Variants in ROBO2 observed in about 807,000 individuals in gnomAD.
ROBO2 encodes the protein roundabout guidance receptor 2, also known as roundabout homolog 2.
ROBO2 carries 53 observed loss-of-function variants against 160.8 expected under a neutral mutation model. The ratio of observed to expected loss-of-function variants is 0.33; its 90% CI spans 0.26 to 0.41. The LOEUF is 0.41. Ranked by LOEUF, ROBO2 falls within the 10% of genes least tolerant of loss-of-function variation. ROBO2 has a pLI of 1.00. For missense variants in ROBO2, 1,577 were observed against 1,722.4 expected, an observed-to-expected ratio of 0.92 and a Z score of 1.49; for synonymous variants, 664 against 611.7, an observed-to-expected ratio of 1.09 and a Z score of -1.26.
At chr3:77,395,425 G>T (rs1305947404) in intron 2 of ROBO2, among the ~76,000 whole-genome samples, 1 of 152,108 alleles carries the variant, frequency 6.6e-6, no homozygotes, top group Admixed American at 6.6e-5. Flanking sequence ...TATGCTTTAG[G>T]AGAGCAGTGA....
intron 2 of ROBO2, among the ~76,000 whole-genome samples, chr3:77,396,529 A>G (rs1205917416): frequency 1.3e-5 from 2 of 152,176 alleles, no homozygotes; most frequent in Non-Finnish European, 1.5e-5. Context: ...ATGCAGAATC[A>G]TTAAATTTTA....
At chr3:75,959,549 G>T (rs1329697213) in intron 2 of ROBO2, among the ~76,000 whole-genome samples, 3 of 151,646 alleles carry the variant, frequency 2.0e-5, no homozygotes, top group African/African-American at 4.8e-5. Context: ...ATTTTTGTTT[G>T]TAGACCACAG....
chr3:76,184,546 TAG>T (rs1701652491), intron 2 of ROBO2, among the ~76,000 whole-genome samples: 1 of 16,408 alleles, frequency 6.1e-5, no homozygotes, highest in African/African-American at 1.3e-4. Flanking sequence ...AAATAGGAGA[TAG>T]ATAGATAGAT....
rs546220105 is a variant in ROBO2 at position 77,008,005 on chromosome 3, A to G, written c.110-90009A>G. On this transcript the variant is annotated intron_variant, in intron 2 of 26. Coordinates refer to the ROBO2 transcript ENST00000487694. Reference sequence around the variant, plus strand: ...ATCAGAATATATAGTTATTGTGAAAATTACATATTTTTAAATTTTTAATGT... The same window carrying G: ...ATCAGAATATATAGTTATTGTGAAAGTTACATATTTTTAAATTTTTAATGT... Among the ~76,000 whole-genome samples, 5 of 152,124 alleles carry G rather than the reference A, an allele frequency of 3.3e-5. No homozygotes were observed. In the East Asian group the frequency reaches 5.8e-4, roughly 18 times the overall value.
In ROBO2 at chr3:77,584,969, CAT is replaced by C. The variant is rs199891931; in HGVS notation, c.2501-3768_2501-3767del. Among the ~76,000 whole-genome samples the C allele has an allele frequency of 3.3e-4, 48 of 146,422 alleles. 1 individual carries two copies. The highest frequency in any genetic ancestry group is 5.2e-4 in the African/African-American group (21 of 40,160). On this transcript the variant is annotated intron_variant, in intron 16 of 25. Coordinates refer to ENST00000461745, the Ensembl canonical transcript of ROBO2. ...ATACACACACACATATATATACACA[CAT>C]ATATATATATATACTATATACTGGC...
intron 2 of ROBO2, among the ~76,000 whole-genome samples, chr3:77,179,384 G>A (rs907296682): frequency 1.3e-5 from 2 of 151,190 alleles, no homozygotes; most frequent in African/African-American, 4.9e-5. Context: ...ACATTGCCAT[G>A]CAAATATATT....
At chr3:76,940,328 T>G (rs1249421494) in intron 2 of ROBO2, among the ~76,000 whole-genome samples, 1 of 152,188 alleles carries the variant, frequency 6.6e-6, no homozygotes, top group Non-Finnish European at 1.5e-5. Flanking sequence ...TATAGACTTT[T>G]AAGTGTTTGT....
intron 2 of ROBO2, among the ~76,000 whole-genome samples, chr3:76,308,022 G>A (rs936982817): frequency 3.3e-5 from 5 of 152,224 alleles, no homozygotes; most frequent in African/African-American, 7.2e-5. Flanking sequence ...GCACTATGAC[G>A]TTGGATAGGT....
At chr3:76,180,427 G>T (rs1003035988) in intron 2 of ROBO2, among the ~76,000 whole-genome samples, 2 of 152,092 alleles carry the variant, frequency 1.3e-5, no homozygotes, top group Non-Finnish European at 2.9e-5. Flanking sequence ...ATTGAAAAGA[G>T]AATTCTTCAC....
chr3:77,012,967 A>G (rs565411145), intron 2 of ROBO2, among the ~76,000 whole-genome samples: 4 of 152,322 alleles, frequency 2.6e-5, no homozygotes, highest in African/African-American at 9.6e-5. Context: ...TTTCTTCAAT[A>G]GCACCACTTT....
At chr3:77,646,125 T>A in exon 26 of ROBO2, 1 of 1,201,258 alleles carries the variant, frequency 8.3e-7, no homozygotes, top group Non-Finnish European at 1.2e-6. Context: ...GTGATGACTC[T>A]AAACAGTGCA....
At chr3:76,320,848 T>C (rs1315138803) in intron 2 of ROBO2, among the ~76,000 whole-genome samples, 1 of 152,208 alleles carries the variant, frequency 6.6e-6, no homozygotes, top group Non-Finnish European at 1.5e-5. Flanking sequence ...TCTTTACTGA[T>C]TGCCTATTTC....
chr3:76,143,907 C>A (rs2071785434), intron 2 of ROBO2, among the ~76,000 whole-genome samples: 1 of 151,832 alleles, frequency 6.6e-6, no homozygotes, highest in Admixed American at 6.6e-5. Context: ...GGTGGGAGAA[C>A]AGTGTCTCAG....
Position 76,127,522 on chromosome 3 carries a change from T to C in ROBO2, c.109+189920T>C, listed in dbSNP as rs180899460. ...TATGTCTGTGATATAGTTGGACACGTTTATATAGAAAACAAATGAATATTA... is the reference window on the plus strand; with the variant it reads ...TATGTCTGTGATATAGTTGGACACGCTTATATAGAAAACAAATGAATATTA... On this transcript the variant is annotated intron_variant, in intron 2 of 26. Transcript: ENST00000487694. Among the ~76,000 whole-genome samples, 496 of 152,058 alleles carry C rather than the reference T, an allele frequency of 3.3e-3. 2 individuals are homozygous for C. The highest frequency in any genetic ancestry group is 4.9e-3 in the Non-Finnish European group (334 of 67,978).
chr3:77,617,104 TAATC>T (rs1278521555), intron 21 of ROBO2, among the ~76,000 whole-genome samples: 1 of 143,040 alleles, frequency 7.0e-6, no homozygotes, highest in African/African-American at 2.7e-5. Flanking sequence ...ACTTCTTAGA[TAATC>T]AATCAGCGAT....
intron 2 of ROBO2, among the ~76,000 whole-genome samples, chr3:76,301,951 G>A (rs1045535222): frequency 6.6e-6 from 1 of 152,068 alleles, no homozygotes; most frequent in Non-Finnish European, 1.5e-5. Flanking sequence ...CCTTTTAGAT[G>A]CTTTTCTTGT....
rs567144177 is a variant in ROBO2, at chr3:77,011,267, G to A, written c.110-86747G>A. Among the ~76,000 whole-genome samples the A allele has an allele frequency of 1.2e-4, 18 of 151,432 alleles. No individual in the cohort carries two copies. In the East Asian group the frequency reaches 3.1e-3, roughly 26 times the overall value. Reference sequence around the variant, plus strand: ...AATATAGTGTGTTTTGTTTGCTATCGTATATTTAGTGCCTAGTTCAGGGTC... The same window carrying A: ...AATATAGTGTGTTTTGTTTGCTATCATATATTTAGTGCCTAGTTCAGGGTC... On this transcript the variant is annotated intron_variant, in intron 2 of 26. Transcript: ENST00000487694.
chr3:76,861,294 T>C (rs2070753824), intron 2 of ROBO2, among the ~76,000 whole-genome samples: 1 of 152,222 alleles, frequency 6.6e-6, no homozygotes, highest in African/African-American at 2.4e-5. Context: ...GTACCTACCT[T>C]GTAAGTCCTA....
intron 17 of ROBO2, among the ~76,000 whole-genome samples, chr3:77,589,875 C>T (rs147958640): frequency 6.6e-6 from 1 of 152,216 alleles, no homozygotes; most frequent in East Asian, 1.9e-4. Context: ...CATTATTTTA[C>T]AAATATGTAA....
Sources: allele counts gnomAD v4.1 joint callset (sites outside exome capture counted in the v4.1 genomes callset), GRCh38; gene constraint gnomAD v4.1.1; transcripts MANE v1.5; gene names NCBI Gene and HGNC (gene_info 2026-07-23, HGNC 2026-07-21).